Variants in CFAP251 observed in about 807,000 individuals in gnomAD.
CFAP251 encodes cilia and flagella associated protein 251.
In CFAP251, 93 loss-of-function variants were observed where a neutral mutation model predicts 126.7. The ratio of observed to expected loss-of-function variants is 0.73; its 90% CI spans 0.62 to 0.87. CFAP251 has a LOEUF of 0.87. Ranked by LOEUF, CFAP251 falls within the 40% of genes least tolerant of loss-of-function variation. CFAP251 has a pLI of 0.00. For synonymous variants in CFAP251, 503 were observed against 506.9 expected, an observed-to-expected ratio of 0.99 and a Z score of 0.10; for missense variants, 1,287 against 1,389.2, an observed-to-expected ratio of 0.93 and a Z score of 1.17.
At chr12:121,967,562 C>T (rs1026732209) in intron 16 of CFAP251, among the ~76,000 whole-genome samples, 10 of 152,112 alleles carry the variant, frequency 6.6e-5, no homozygotes, top group South Asian at 4.1e-4. Context: ...ATGAGCCGGG[C>T]GTGGTGGTGG....
At chr12:121,931,948 GTTTTGTA>G (rs1432311772) in intron 4 of CFAP251, 62 bp downstream of exon 4, 13 of 1,391,562 alleles carry the variant, frequency 9.3e-6, no homozygotes, top group African/African-American at 1.5e-5. Flanking sequence ...GTGGTATTTT[GTTTTGTA>G]TCTCAAGGGC....
rs1174288463 is a variant in CFAP251, at chr12:121,931,959, C to G, written c.888+73C>G. ...GCGTGTGGTATTTTGTTTTGTATCT[C>G]AAGGGCTGACTTCATTCTATCACTG... On this transcript the variant is annotated intron_variant, in intron 4 of 21. Transcript: ENST00000288912. 3.7e-6 allele frequency: 5 copies of G among 1,341,072 alleles called. No homozygotes were observed. The African/African-American group carries it at 7.5e-5, about 20-fold the overall frequency. The allele number at this position is 1,341,072 out of a possible 1,614,324, so 83.1% of individuals were successfully genotyped here.
At chr12:121,975,391 A>C (rs997915873) in intron 18 of CFAP251, 57 bp downstream of exon 18, 68 of 1,583,226 alleles carry the variant, frequency 4.3e-5, no homozygotes, top group Non-Finnish European at 5.7e-5. Context: ...TTGTAAAGCA[A>C]ATGTGCCCAG....
At chr12:121,923,193 T>C (rs1014151634) in intron 2 of CFAP251, among the ~76,000 whole-genome samples, 1 of 149,156 alleles carries the variant, frequency 6.7e-6, no homozygotes, top group African/African-American at 2.5e-5. Context: ...GGGGTCTCAC[T>C]TTGTCACCTA....
chr12:121,947,212 T>C (rs1881355789), intron 7 of CFAP251, among the ~76,000 whole-genome samples: 1 of 152,206 alleles, frequency 6.6e-6, no homozygotes, highest in Non-Finnish European at 1.5e-5. Context: ...ACTAGTTCTT[T>C]CTTTGGCTAT....
intron 15 of CFAP251, among the ~76,000 whole-genome samples, chr12:121,965,559 C>T (rs1882091531): frequency 6.6e-6 from 1 of 151,860 alleles, no homozygotes; most frequent in South Asian, 2.1e-4. Context: ...TGTCAGTACA[C>T]TGGAACACGA....
At position 121,918,810 on chromosome 12, in the gene CFAP251, G is replaced by C. The variant is rs1880027366; in HGVS notation, c.-21+115G>C. 1 of 152,222 alleles carries C rather than the reference G, an allele frequency of 6.6e-6. No homozygotes were observed. The highest frequency in any genetic ancestry group is 2.4e-5 in the African/African-American group (1 of 41,436). The allele number at this position is 152,222 out of a possible 1,614,324, so 9.4% of individuals were successfully genotyped here. A position where few individuals can be genotyped will look rare whatever the true frequency, so the allele number is the denominator to read the frequency against. On this transcript the variant is annotated intron_variant, in intron 1 of 21. Coordinates refer to ENST00000288912, the MANE Select transcript of CFAP251 (RefSeq NM_144668.6). This position sits in a 1 kb window ranked among gnomAD's most constrained non-coding sequence, Gnocchi z 4.3. Reference sequence around the variant, plus strand: ...CGCTCACCCGACCTGGCCCTTGTGGGGCCTGGGGCGGCCCCAGGGAGACCT... The same window carrying C: ...CGCTCACCCGACCTGGCCCTTGTGGCGCCTGGGGCGGCCCCAGGGAGACCT...
intron 15 of CFAP251, among the ~76,000 whole-genome samples, chr12:121,964,002 G>A (rs1480335829): frequency 6.6e-6 from 1 of 152,028 alleles, no homozygotes; most frequent in African/African-American, 2.4e-5. Context: ...GATCCACCAC[G>A]ACCACCACCA....
intron 21 of CFAP251, among the ~76,000 whole-genome samples, chr12:122,002,465 A>C (rs756835863): frequency 1.3e-5 from 2 of 152,196 alleles, no homozygotes; most frequent in South Asian, 4.1e-4. Flanking sequence ...ACTTGGGCCC[A>C]GGTGTTCACG....
chr12:121,928,783 A>G (rs913994179), intron 3 of CFAP251, among the ~76,000 whole-genome samples: 4 of 149,284 alleles, frequency 2.7e-5, no homozygotes, highest in African/African-American at 9.9e-5. Flanking sequence ...AGCAACCTCC[A>G]CCTCCTAGGC....
chr12:122,000,290 G>A (rs901389162), intron 20 of CFAP251, among the ~76,000 whole-genome samples: 7 of 152,226 alleles, frequency 4.6e-5, no homozygotes, highest in Admixed American at 2.0e-4. Flanking sequence ...AGTGGCTCAT[G>A]CCTGTAATCC....
chr12:121,965,268 G>A (rs769871339), intron 15 of CFAP251, among the ~76,000 whole-genome samples: 2 of 152,186 alleles, frequency 1.3e-5, no homozygotes, highest in Non-Finnish European at 2.9e-5. Context: ...GATTAGCAAA[G>A]ATAAAAATGA....
At chr12:121,966,885 G>T (rs773023440) in intron 15 of CFAP251, 70 bp from the exon 16 acceptor site, 1 of 1,492,302 alleles carries the variant, frequency 6.7e-7, no homozygotes, top group South Asian at 1.1e-5. Context: ...CGCCTGGCCC[G>T]ACCAAAGAAT....
intron 16 of CFAP251, among the ~76,000 whole-genome samples, 165 bp from the exon 17 acceptor site, chr12:121,967,841 T>C (rs1030960739): frequency 6.6e-6 from 1 of 152,196 alleles, no homozygotes; most frequent in Non-Finnish European, 1.5e-5. Flanking sequence ...AGGGCTGGTG[T>C]GTGTGGATGC....
At chr12:121,966,312 G>A (rs1408521595) in intron 15 of CFAP251, among the ~76,000 whole-genome samples, 1 of 132,310 alleles carries the variant, frequency 7.6e-6, no homozygotes, top group Non-Finnish European at 1.6e-5. Flanking sequence ...CCAGGATGGA[G>A]TGCAGTAGCG....
rs746085332 is a variant in CFAP251, at chr12:121,975,254, G to A, written c.2782G>A (p.Ala928Thr). The A allele has an allele frequency of 6.2e-6, 10 of 1,613,898 alleles. No individual in the cohort carries two copies. The highest frequency in any genetic ancestry group is 3.3e-5 in the Admixed American group (2 of 60,000). Reference sequence around the variant, plus strand: ...CTGTTGTTGTTCCAGTGTCCTGGAGGCAGCGGTTTCTCTTGGGGGTGAAGA... The same window carrying A: ...CTGTTGTTGTTCCAGTGTCCTGGAGACAGCGGTTTCTCTTGGGGGTGAAGA... ...QWKITLSVLE[A>T]AVSLGGEDLT... Residue 928 changes from alanine to threonine, a missense_variant, in exon 18 of 22, where the codon GCA becomes ACA. Physicochemically the swap from Ala to Thr is moderately conservative, Grantham distance 58 (BLOSUM62 0). Coordinates refer to ENST00000288912, the MANE Select transcript of CFAP251 (RefSeq NM_144668.6).
chr12:121,981,731 G>A lies in CFAP251; in HGVS notation c.3006+6046G>A, dbSNP rs561969163. ...AGTTCCTGTGGGTGAGGAGTATTCC[G>A]GCAGCTCTCTGATGCCTGCAGGTCA... On this transcript the variant is annotated intron_variant, in intron 19 of 21. Coordinates refer to ENST00000288912, the MANE Select transcript of CFAP251 (RefSeq NM_144668.6). 1.9e-3 allele frequency among the ~76,000 whole-genome samples: 294 copies of A among 152,274 alleles called. 2 individuals carry two copies. The highest frequency in any genetic ancestry group is 0.01 in the Middle Eastern group (3 of 294).
chr12:121,935,639 A>C (rs867372406), intron 5 of CFAP251, among the ~76,000 whole-genome samples: 1 of 152,190 alleles, frequency 6.6e-6, no homozygotes, highest in Admixed American at 6.5e-5. Context: ...TGATAAGCCT[A>C]CCAGCCTTTT....
chr12:121,984,764 C>G (rs1166130659), intron 19 of CFAP251, among the ~76,000 whole-genome samples: 1 of 152,110 alleles, frequency 6.6e-6, no homozygotes, highest in African/African-American at 2.4e-5. Context: ...TTGGACTGTC[C>G]ACGTTGGGAT....
Sources: gnomAD v4.1 joint callset for allele counts (sites outside exome capture counted in the v4.1 genomes callset) on GRCh38, gnomAD v4.1.1 for gene constraint, Gnocchi (gnomAD v3.1) non-coding constraint, MANE v1.5 for transcripts, NCBI Gene and HGNC (gene_info 2026-07-23, HGNC 2026-07-21) for gene names.